The following NTM variants were observed in gnomAD, a reference collection of about 807,000 sequenced individuals.
The protein encoded by NTM is IgLON family member 2.
NTM carries 13 observed loss-of-function variants against 42.1 expected under a neutral mutation model. That is an observed-to-expected ratio of 0.31 (90% CI 0.20 to 0.49). The LOEUF is 0.49. Ranked by LOEUF, NTM falls within the 20% of genes least tolerant of loss-of-function variation. The pLI is 0.99. For missense variants in NTM, 373 were observed against 452.8 expected (o/e 0.82, Z 1.60); for synonymous variants, 187 against 179.2 (o/e 1.04, Z -0.35).
intron 2 of NTM, among the ~76,000 whole-genome samples, chr11:132,089,456 C>T (rs568951304): frequency 1.3e-5 from 2 of 152,262 alleles, no homozygotes; most frequent in East Asian, 3.9e-4. Context: ...AAAGCTTGCT[C>T]AATATTAATG....
chr11:131,628,655 A>C lies in NTM; in HGVS notation c.82+257767A>C, dbSNP rs1471255065. On this transcript the variant is annotated intron_variant, in intron 1 of 8. Coordinates refer to ENST00000683400, the MANE Select transcript of NTM (RefSeq NM_001352005.2). ...ACTAATTATCTTGCTCTCTAAGAAA[A>C]TGTCTGCCTGCCCCTGAGCCTTCTT... Among the ~76,000 whole-genome samples the C allele has an allele frequency of 2.0e-5, 3 of 152,320 alleles. No homozygotes were observed. In the East Asian group the frequency reaches 5.8e-4, roughly 29 times the overall value.
intron 4 of NTM, among the ~76,000 whole-genome samples, chr11:132,281,977 A>G (rs1234850272): frequency 6.6e-6 from 1 of 152,234 alleles, no homozygotes; most frequent in Non-Finnish European, 1.5e-5. Context: ...ACATCTTATC[A>G]TATTGTTATG....
At chr11:132,126,918 C>A (rs2065934703) in intron 2 of NTM, among the ~76,000 whole-genome samples, 1 of 152,204 alleles carries the variant, frequency 6.6e-6, no homozygotes, top group South Asian at 2.1e-4. Flanking sequence ...CTGCTCCTTT[C>A]AAATGTTGGG....
intron 7 of NTM, chr11:132,314,933 C>T (rs763442384): frequency 2.5e-5 from 33 of 1,296,480 alleles, no homozygotes; most frequent in Non-Finnish European, 3.0e-5. Context: ...TACATGTATA[C>T]AAAGTAGTAT....
chr11:131,552,225 A>G (rs533002690), intron 1 of NTM, among the ~76,000 whole-genome samples: 82 of 152,324 alleles, frequency 5.4e-4, no homozygotes, highest in African/African-American at 1.7e-3. Context: ...AACCCTGCCA[A>G]CATCGAGTGT....
At chr11:131,975,024 GTTTTC>G (rs1298514173) in intron 2 of NTM, among the ~76,000 whole-genome samples, 1 of 152,156 alleles carries the variant, frequency 6.6e-6, no homozygotes, top group Non-Finnish European at 1.5e-5. Context: ...TGACAAGTGA[GTTTTC>G]TTTTCTTAGT....
intron 2 of NTM, among the ~76,000 whole-genome samples, chr11:131,953,909 C>A (rs1437165416): frequency 2.0e-5 from 3 of 152,126 alleles, no homozygotes; most frequent in African/African-American, 7.2e-5. Context: ...TCTGATGAAC[C>A]AAGCCACTCC....
intron 1 of NTM, among the ~76,000 whole-genome samples, chr11:131,607,030 G>T (rs1190194771): frequency 2.0e-5 from 3 of 152,152 alleles, no homozygotes; most frequent in Non-Finnish European, 4.4e-5. Context: ...CGGTTTCTGG[G>T]TAATCCCCTT....
intron 2 of NTM, among the ~76,000 whole-genome samples, chr11:132,042,712 G>C (rs1457012040): frequency 1.3e-5 from 2 of 152,206 alleles, no homozygotes; most frequent in East Asian, 3.8e-4. Context: ...ACAATGTTCT[G>C]TCACAGTCAA....
intron 3 of NTM, among the ~76,000 whole-genome samples, chr11:132,206,579 G>A (rs1364004244): frequency 1.3e-5 from 2 of 152,220 alleles, no homozygotes; most frequent in Non-Finnish European, 2.9e-5. Context: ...ACACAGGCAG[G>A]TGAAGTAACT....
intron 1 of NTM, among the ~76,000 whole-genome samples, chr11:131,433,679 C>T (rs1948872955): frequency 6.6e-6 from 1 of 152,124 alleles, no homozygotes; most frequent in African/African-American, 2.4e-5. Flanking sequence ...AAATGTGCCT[C>T]TCTGATTCCT....
intron 1 of NTM, among the ~76,000 whole-genome samples, chr11:131,826,026 G>A (rs2042089821): frequency 6.6e-6 from 1 of 152,156 alleles, no homozygotes; most frequent in South Asian, 2.1e-4. Flanking sequence ...ATGTCTTGGG[G>A]AGAGGGTAGT....
Position 131,904,568 on chromosome 11 carries a change from G to C in NTM, c.83-6996G>C, listed in dbSNP as rs550705941. Among the ~76,000 whole-genome samples, 13 of 152,314 alleles carry C rather than the reference G, an allele frequency of 8.5e-5. No homozygotes were observed. In the South Asian group the frequency reaches 1.9e-3, roughly 22 times the overall value. ...AGTGATTTGTTTAAGATGGAGACCT[G>C]AGCGTGTTGGGCCTTGCATGGTCGA... On this transcript the variant is annotated intron_variant, in intron 1 of 8. Transcript: ENST00000683400.
chr11:132,010,954 C>G (rs920609201), intron 2 of NTM, among the ~76,000 whole-genome samples: 1 of 151,518 alleles, frequency 6.6e-6, no homozygotes, highest in African/African-American at 2.4e-5. Context: ...CACTAAGCAC[C>G]CTTCATCTTA....
At chr11:132,101,556 T>TG (rs1555261897) in intron 2 of NTM, among the ~76,000 whole-genome samples, 19,568 of 131,010 alleles carry the variant, frequency 0.15, 1,509 homozygotes, top group South Asian at 0.22. Flanking sequence ...GAACACAACC[T>TG]TGTGTGTGTG....
chr11:131,565,116 C>A (rs780182140), intron 1 of NTM, among the ~76,000 whole-genome samples: 2 of 152,186 alleles, frequency 1.3e-5, no homozygotes, highest in African/African-American at 2.4e-5. Context: ...GACACCCTGG[C>A]GCGCATGTTG....
intron 1 of NTM, among the ~76,000 whole-genome samples, chr11:131,533,300 C>T (rs1214735582): frequency 6.6e-6 from 1 of 152,202 alleles, no homozygotes; most frequent in Non-Finnish European, 1.5e-5. Flanking sequence ...GTCTGATTCG[C>T]TCACACCCAC....
intron 1 of NTM, among the ~76,000 whole-genome samples, chr11:131,487,340 C>T (rs1310343348): frequency 1.3e-5 from 2 of 152,210 alleles, no homozygotes; most frequent in Non-Finnish European, 2.9e-5. Flanking sequence ...GGACCCAGGG[C>T]TTAATGAATA....
rs112861390 is a variant in NTM, at chr11:131,981,832, G to A, written c.167+70184G>A. Among the ~76,000 whole-genome samples, 634 of 152,080 alleles carry A rather than the reference G, an allele frequency of 4.2e-3. 8 individuals carry two copies. The highest frequency in any genetic ancestry group is 0.014 in the African/African-American group (592 of 41,504). ...TCAAGACCAGCGTGGTCAACATGGC[G>A]AAACCCCATCTCTACTAAAAAATAC... On this transcript the variant is annotated intron_variant, in intron 2 of 8. Coordinates refer to ENST00000683400, the MANE Select transcript of NTM (RefSeq NM_001352005.2).
Sources: gnomAD v4.1 joint callset for allele counts (sites outside exome capture counted in the v4.1 genomes callset) on GRCh38, gnomAD v4.1.1 for gene constraint, MANE v1.5 for transcripts, NCBI Gene and HGNC (gene_info 2026-07-23, HGNC 2026-07-21) for gene names.